Variants in ZBTB46 observed in about 807,000 individuals in gnomAD.
ZBTB46 encodes the protein zinc finger and BTB domain-containing protein 46.
Under a neutral mutation model 44.1 loss-of-function variants are expected in ZBTB46, and 8 were observed. The ratio of observed to expected loss-of-function variants is 0.18; its 90% confidence interval spans 0.11 to 0.33. The LOEUF (loss-of-function observed/expected upper bound fraction) is 0.33, where lower values mean the gene tolerates loss of function less well. Among genes scored for constraint, ZBTB46 ranks in the 10% least tolerant of loss-of-function variants. The pLI is 1.00. For missense variants in ZBTB46, 651 were observed against 847.7 expected (o/e 0.77, Z 2.88); for synonymous variants, 409 against 382.3 (o/e 1.07, Z -0.81).
intron 1 of ZBTB46, among the ~76,000 whole-genome samples, chr20:63,815,886 GGTGCA>G (rs2092750881): frequency 6.6e-6 from 1 of 150,818 alleles, no homozygotes; most frequent in African/African-American, 2.5e-5. Flanking sequence ...AGTGGGTGCA[GGTGCA>G]GTGGGCACAG....
chr20:63,833,614 G>T (rs2092861773), upstream of ZBTB46, among the ~76,000 whole-genome samples: 1 of 152,068 alleles, frequency 6.6e-6, no homozygotes, highest in African/African-American at 2.4e-5. Flanking sequence ...AAAGAAACGT[G>T]CTGAGTTCTA....
rs1239071162 is a variant in ZBTB46, at chr20:63,775,825, C to T, written c.1075G>A (p.Asp359Asn). 5.0e-6 allele frequency: 8 copies of T among 1,613,400 alleles called. No homozygotes were observed. The highest frequency in any genetic ancestry group is 6.8e-6 in the Non-Finnish European group (8 of 1,180,004). ...LGPPLTPEKD[D>N]ALHQATAVAN... Reference sequence around the variant, plus strand: ...ACCGCGGTGGCCTGATGCAGGGCGTCGTCCTTCTCTGGGGTGAGGGGAGGG... The same window carrying T: ...ACCGCGGTGGCCTGATGCAGGGCGTTGTCCTTCTCTGGGGTGAGGGGAGGG... Residue 359 changes from aspartate to asparagine, a missense_variant, in exon 3 of 5, where the codon GAC becomes AAC. By Grantham distance (23) the Asp-to-Asn change is conservative (BLOSUM62 1). Transcript: ENST00000245663.
chr20:63,802,271 ATAT>A (rs2092651710), intron 1 of ZBTB46, among the ~76,000 whole-genome samples: 1 of 151,974 alleles, frequency 6.6e-6, no homozygotes, highest in Non-Finnish European at 1.5e-5. Flanking sequence ...AAAAATACAA[ATAT>A]TAGCCGGGTG....
chr20:63,752,828 T>G lies in ZBTB46; in HGVS notation c.1256A>C (p.Lys419Thr). The G allele has an allele frequency of 6.2e-7, 1 of 1,611,004 alleles. No homozygotes were observed. Among genetic ancestry groups the G allele is most frequent in the Non-Finnish European group, 8.5e-7 (1 of 1,178,086 alleles). The change falls in exon 4 of 5, where the codon AAG becomes ACG. Residue 419 changes from lysine to threonine, a missense_variant. Lys to Thr is a moderately conservative substitution (Grantham distance 78). Around this residue, in one of 5 missense-constraint regions of ZBTB46, gnomAD observed 385 missense variants for 423.3 expected, o/e 0.91. Coordinates refer to ENST00000245663, the MANE Select transcript of ZBTB46 (RefSeq NM_001369741.1). This position sits in a 1 kb window ranked among gnomAD's most constrained non-coding sequence, Gnocchi z 5.6. ...GGCCGAGAAGCTGCAGTACGGACAC[T>G]TGAACTTCTTCCTGATCACCGTGAA... ...NEFTVIRKKFKCPYCSFSAMH... is the reference protein window; with the variant it reads ...NEFTVIRKKFTCPYCSFSAMH...
chr20:63,789,922 A>G lies in ZBTB46; in HGVS notation c.836T>C (p.Val279Ala). Residue 279 changes from valine (V) to alanine (A), a missense_variant, in exon 2 of 5, where the codon GTC becomes GCC. Around this residue, in one of 5 missense-constraint regions of ZBTB46, gnomAD observed 385 missense variants for 423.3 expected, o/e 0.91. Transcript: ENST00000245663. ...TTCCACCTGCTGTGTGATGTGCCGG[A>G]CGGTCTCTTTGTTTTTCCGATTCTT... ...RRKNRKNKET[V>A]RHITQQVEDD... 6.2e-7 allele frequency: 1 copy of G among 1,613,976 alleles called. No homozygotes were observed. Among genetic ancestry groups the G allele is most frequent in the Non-Finnish European group, 8.5e-7 (1 of 1,180,022 alleles).
intron 3 of ZBTB46, among the ~76,000 whole-genome samples, chr20:63,756,817 A>G (rs561380129): frequency 2.6e-5 from 4 of 152,254 alleles, no homozygotes; most frequent in African/African-American, 9.6e-5. Context: ...TGTGGCCCGC[A>G]CTGCTGCCTG....
At position 63,775,715 on chromosome 20, in the gene ZBTB46, C is replaced by G. The variant is rs182757886; in HGVS notation, c.1185G>C (p.Leu395=). The change falls in exon 3 of 5, where the codon CTG becomes CTC. Residue 395 remains leucine (L), a synonymous_variant. Transcript: ENST00000245663. ...ADVLGDDGSL[L]FEYLPRGAHS... Reference sequence around the variant, plus strand: ...GGGCCCCTCTGGGCAGGTACTCGAACAGCAGGGAGCCGTCATCCCCCAGCA... The same window carrying G: ...GGGCCCCTCTGGGCAGGTACTCGAAGAGCAGGGAGCCGTCATCCCCCAGCA... The G allele has an allele frequency of 1.2e-6, 2 of 1,604,240 alleles. No individual in the cohort carries two copies. The highest frequency in any genetic ancestry group is 2.7e-5 in the African/African-American group (2 of 74,808).
intron 1 of ZBTB46, among the ~76,000 whole-genome samples, chr20:63,821,164 C>T (rs6011161): frequency 0.18 from 26,620 of 149,916 alleles, 2,883 homozygotes; most frequent in East Asian, 0.46. Context: ...GTATTACAGG[C>T]GTGAGCCACT....
intron 1 of ZBTB46, among the ~76,000 whole-genome samples, chr20:63,826,888 G>A (rs903748040): frequency 9.2e-5 from 14 of 152,172 alleles, no homozygotes; most frequent in African/African-American, 2.4e-4. Flanking sequence ...TGCCTCCTAC[G>A]TACAGTGGCC....
At chr20:63,813,776 A>C (rs1277315467) in intron 1 of ZBTB46, among the ~76,000 whole-genome samples, 1 of 152,232 alleles carries the variant, frequency 6.6e-6, no homozygotes, top group Non-Finnish European at 1.5e-5. Flanking sequence ...CTCTGATTCA[A>C]GTAAAGCCAC....
intron 3 of ZBTB46, among the ~76,000 whole-genome samples, chr20:63,772,640 G>A (rs1391514528): frequency 2.0e-5 from 3 of 152,064 alleles, no homozygotes; most frequent in African/African-American, 7.2e-5. Context: ...AATTGCTGGA[G>A]CCCGGGAGGC....
chr20:63,772,901 C>G (rs945924909), intron 3 of ZBTB46, among the ~76,000 whole-genome samples: 1 of 152,202 alleles, frequency 6.6e-6, no homozygotes, highest in Non-Finnish European at 1.5e-5. Context: ...CCTCAGGCTC[C>G]GCGGCCACTC....
At chr20:63,757,921 GC>G (rs1276078885) in intron 3 of ZBTB46, among the ~76,000 whole-genome samples, 197 of 12,710 alleles carry the variant, frequency 0.015, no homozygotes, top group East Asian at 0.02. Context: ...CCCTCCACCC[GC>G]CCCGTCCAGA....
At chr20:63,793,236 A>G (rs1190356375) in intron 1 of ZBTB46, among the ~76,000 whole-genome samples, 3 of 152,202 alleles carry the variant, frequency 2.0e-5, no homozygotes, top group African/African-American at 7.2e-5. Context: ...GAGCAGAACA[A>G]GGAGCTGCCG....
rs949078961 is a variant in ZBTB46 at position 63,752,425 on chromosome 20, G to A, written c.1398+261C>T. The stretch of plus-strand genomic sequence containing the variant: ...CCAAGCAGAGCGAGCTGAGTTTGCC[G>A]AGGCCTGGCTGCCTTGGCGGCCAGC... On this transcript the variant is annotated intron_variant, in intron 4 of 4. Coordinates refer to ENST00000245663, the MANE Select transcript of ZBTB46 (RefSeq NM_001369741.1). The surrounding 1 kb of genome is among the most constrained non-coding windows in gnomAD (Gnocchi z 5.6). Among the ~76,000 whole-genome samples, 4 of 152,086 alleles carry A rather than the reference G, an allele frequency of 2.6e-5. No homozygotes were observed. The highest frequency in any genetic ancestry group is 3.9e-4 in the East Asian group (2 of 5,156).
At chr20:63,754,811 G>C (rs2092205128) in intron 3 of ZBTB46, among the ~76,000 whole-genome samples, 1 of 151,474 alleles carries the variant, frequency 6.6e-6, no homozygotes, top group Non-Finnish European at 1.5e-5. Context: ...GTGTTAGCCA[G>C]GATGGTCTCG....
At chr20:63,747,991 C>T (rs1300130152) in intron 4 of ZBTB46, among the ~76,000 whole-genome samples, 1 of 152,204 alleles carries the variant, frequency 6.6e-6, no homozygotes, top group Non-Finnish European at 1.5e-5. Context: ...AGGGACGGGC[C>T]GGGGTTGGGG....
intron 2 of ZBTB46, among the ~76,000 whole-genome samples, chr20:63,784,925 CA>C (rs1292240804): frequency 2.6e-5 from 4 of 152,224 alleles, no homozygotes; most frequent in Non-Finnish European, 4.4e-5. Context: ...GACCACTTGA[CA>C]TGTGTCCTTA....
chr20:63,747,168 C>G lies in ZBTB46; in HGVS notation c.1532G>C (p.Gly511Ala). 6.2e-7 allele frequency: 1 copy of G among 1,609,580 alleles called. No individual in the cohort carries two copies. The highest frequency in any genetic ancestry group is 1.1e-5 in the South Asian group (1 of 90,840). ...GCCTCCGCCGCCATGGTCCAGGGGC[C>G]CGGCCATGCCGCGGCCAGCACAGTC... Reference protein sequence around the residue: ...CTDCAGRGMAGPLDHGGGGGE... With the variant: ...CTDCAGRGMAAPLDHGGGGGE... Residue 511 changes from glycine (G) to alanine (A), a missense_variant, in exon 5 of 5, where the codon GGG becomes GCG. Physicochemically the swap from Gly to Ala is moderately conservative, Grantham distance 60 (BLOSUM62 0). Around this residue, in one of 5 missense-constraint regions of ZBTB46, gnomAD observed 75 missense variants for 107.8 expected, o/e 0.70. Transcript: ENST00000245663.
Sources: allele counts gnomAD v4.1 joint callset (sites outside exome capture counted in the v4.1 genomes callset), GRCh38; gene constraint gnomAD v4.1.1; regional missense constraint gnomAD v4.1.1; non-coding constraint Gnocchi (gnomAD v3.1); transcripts MANE v1.5; gene names NCBI Gene and HGNC (gene_info 2026-07-23, HGNC 2026-07-21).